BCL9: variants seen among roughly 807,000 people sequenced by gnomAD.
The protein encoded by BCL9 is BCL9 transcription coactivator.
Under a neutral mutation model 88.5 loss-of-function variants are expected in BCL9, and 25 were observed. The ratio of observed to expected loss-of-function variants is 0.28; its 90% confidence interval spans 0.21 to 0.39. The LOEUF is 0.39. Ranked by LOEUF, BCL9 falls within the 10% of genes least tolerant of loss-of-function variation. BCL9 has a pLI of 1.00. For synonymous variants in BCL9, 711 were observed against 673.3 expected (o/e 1.06, Z -0.87); for missense variants, 1,817 against 1,877.8 (o/e 0.97, Z 0.60).
At chr1:147,573,469 G>C (rs1655973445) in intron 1 of BCL9, among the ~76,000 whole-genome samples, 1 of 151,952 alleles carries the variant, frequency 6.6e-6, no homozygotes, top group Admixed American at 6.6e-5. Context: ...AAAAGAATAA[G>C]GTTGAAAGGC....
At chr1:147,567,451 G>A (rs1655659403) in intron 1 of BCL9, among the ~76,000 whole-genome samples, 2 of 152,080 alleles carry the variant, frequency 1.3e-5, no homozygotes, top group African/African-American at 2.4e-5. Flanking sequence ...TATTTGAGTC[G>A]ACATTTCCAC....
chr1:147,599,531 G>T (rs1197121212), intron 1 of BCL9, among the ~76,000 whole-genome samples: 3 of 152,064 alleles, frequency 2.0e-5, no homozygotes, highest in Non-Finnish European at 2.9e-5. Flanking sequence ...GCGAGGCGGC[G>T]GGAAGGTCCG....
chr1:147,622,220 C>A, intron 8 of BCL9, 51 bp from the exon 9 acceptor site: 1 of 1,608,852 alleles, frequency 6.2e-7, no homozygotes, highest in African/African-American at 1.3e-5. Context: ...CAATACCCTT[C>A]AAAAGGAATC....
intron 1 of BCL9, among the ~76,000 whole-genome samples, chr1:147,542,541 G>C (rs189705340): frequency 6.6e-6 from 1 of 152,158 alleles, no homozygotes. Context: ...CATTATTCTT[G>C]ATCATCATCA....
At chr1:147,614,746 A>T (rs1658186821) in intron 6 of BCL9, 130 bp downstream of exon 6, 2 of 1,002,834 alleles carry the variant, frequency 2.0e-6, no homozygotes, top group South Asian at 4.0e-5. Flanking sequence ...AACCTCCCCA[A>T]CCCAAACTCC....
intron 8 of BCL9, among the ~76,000 whole-genome samples, chr1:147,621,531 A>G (rs952909914): frequency 2.0e-5 from 3 of 151,540 alleles, no homozygotes; most frequent in Non-Finnish European, 4.4e-5. Context: ...CTTCTCCTTG[A>G]TAGACCACTG....
rs762060274 is a variant in BCL9 at position 147,612,962 on chromosome 1, A to G, written c.133A>G (p.Lys45Glu). 31 of 1,613,246 alleles carry G rather than the reference A, an allele frequency of 1.9e-5. No homozygotes were observed. The highest frequency in any genetic ancestry group is 2.6e-5 in the Non-Finnish European group (31 of 1,179,698). Residue 45 changes from lysine to glutamate, a missense_variant, in exon 5 of 10, where the codon AAA becomes GAA. Lys to Glu is a moderately conservative substitution (Grantham distance 56). Transcript: ENST00000234739. The stretch of plus-strand genomic sequence containing the variant: ...ATCTGGAAACCCCCAGCTGGATTCC[A>G]AATTCTCCAATCAGGGTAAACAGGG... ...SPSGNPQLDS[K>E]FSNQGKQGGS...
At chr1:147,622,034 G>C (rs1658675118) in intron 8 of BCL9, among the ~76,000 whole-genome samples, 1 of 152,036 alleles carries the variant, frequency 6.6e-6, no homozygotes, top group South Asian at 2.1e-4. Flanking sequence ...CACATTCCTG[G>C]TGTGTTTGTC....
intron 1 of BCL9, among the ~76,000 whole-genome samples, chr1:147,565,492 G>T (rs782519079): frequency 3.3e-5 from 5 of 152,192 alleles, no homozygotes; most frequent in Non-Finnish European, 5.9e-5. Flanking sequence ...TGCTGTTGGT[G>T]AGTGCTCATT....
At chr1:147,571,283 G>T (rs1045157012) in intron 1 of BCL9, among the ~76,000 whole-genome samples, 32 of 152,006 alleles carry the variant, frequency 2.1e-4, no homozygotes, top group Non-Finnish European at 1.9e-4. Flanking sequence ...AGACAATCTG[G>T]TCTCAGATCT....
rs781969214 is a variant in BCL9 at position 147,618,800 on chromosome 1, A to G, written c.661-16A>G. The G allele has an allele frequency of 4.6e-6, 7 of 1,511,798 alleles. No individual in the cohort carries two copies. In the Admixed American group the frequency reaches 6.9e-5, roughly 15 times the overall value. 93.6% of individuals were successfully genotyped at this position (1,511,798 alleles called of 1,614,324 possible). A position where few individuals can be genotyped will look rare whatever the true frequency, so the allele number is the denominator to read the frequency against. On this transcript the variant is annotated splice_polypyrimidine_tract_variant and intron_variant, in intron 7 of 9. Coordinates refer to ENST00000234739, the MANE Select transcript of BCL9 (RefSeq NM_004326.4). ...TCAGTTTACTAATGATTTTTAAACT[A>G]TTTGTTTGTCTTCAGAACACACAGA...
At chr1:147,577,683 A>C (rs587724828) in intron 1 of BCL9, among the ~76,000 whole-genome samples, 1 of 152,168 alleles carries the variant, frequency 6.6e-6, no homozygotes, top group South Asian at 2.1e-4. Flanking sequence ...CCTTAGTGGA[A>C]AGATAATTTT....
At chr1:147,543,102 T>G (rs1175846101) in intron 1 of BCL9, among the ~76,000 whole-genome samples, 5 of 152,186 alleles carry the variant, frequency 3.3e-5, no homozygotes, top group Admixed American at 3.3e-4. Context: ...CTAAAATCAG[T>G]GCCTAACATT....
intron 3 of BCL9, among the ~76,000 whole-genome samples, chr1:147,610,683 A>G (rs1657951815): frequency 2.0e-5 from 3 of 152,234 alleles, no homozygotes; most frequent in Admixed American, 2.0e-4. Context: ...GAAAACCATA[A>G]TGGAATTACC....
intron 1 of BCL9, among the ~76,000 whole-genome samples, chr1:147,569,421 G>A (rs1443421365): frequency 3.4e-5 from 5 of 147,580 alleles, no homozygotes; most frequent in African/African-American, 2.5e-5. Flanking sequence ...CTGAGCTCAG[G>A]AGTTCAAGAC....
intron 1 of BCL9, among the ~76,000 whole-genome samples, chr1:147,568,851 G>A (rs1655734499): frequency 6.6e-6 from 1 of 152,102 alleles, no homozygotes; most frequent in Non-Finnish European, 1.5e-5. Context: ...GTTTATGTCT[G>A]TCTTGTTTCT....
At chr1:147,590,089 T>C (rs1007813848) in intron 1 of BCL9, among the ~76,000 whole-genome samples, 1 of 152,186 alleles carries the variant, frequency 6.6e-6, no homozygotes, top group Non-Finnish European at 1.5e-5. Flanking sequence ...TTTATTTTTA[T>C]AGAAACGAGG....
chr1:147,619,144 C>G lies in BCL9; in HGVS notation c.989C>G (p.Ala330Gly). The change falls in exon 8 of 10, where the codon GCC becomes GGC. Residue 330 changes from alanine (A) to glycine (G), a missense_variant. Physicochemically the swap from Ala to Gly is moderately conservative, Grantham distance 60. This residue lies in a region of BCL9 where 1,228 missense variants were observed against 1,191.6 expected (regional missense o/e 1.03). Coordinates refer to ENST00000234739, the MANE Select transcript of BCL9 (RefSeq NM_004326.4). This position sits in a 1 kb window ranked among gnomAD's most constrained non-coding sequence, Gnocchi z 4.1. Reference protein sequence around the residue: ...GSNSSSADPKAPPPPPVSSGE... With the variant: ...GSNSSSADPKGPPPPPVSSGE... Reference sequence around the variant, plus strand: ...AATAGCTCTTCAGCAGATCCCAAAGCCCCTCCGCCTCCACCAGTGTCCAGT... The same window carrying G: ...AATAGCTCTTCAGCAGATCCCAAAGGCCCTCCGCCTCCACCAGTGTCCAGT... 6.2e-7 allele frequency: 1 copy of G among 1,613,232 alleles called. No individual in the cohort carries two copies. The highest frequency in any genetic ancestry group is 1.1e-5 in the South Asian group (1 of 90,974).
At chr1:147,614,295 A>T (rs1658154142) in intron 5 of BCL9, 132 bp from the exon 6 acceptor site, 1 of 808,686 alleles carries the variant, frequency 1.2e-6, no homozygotes, top group Admixed American at 2.8e-5. Flanking sequence ...TTTTATAAGT[A>T]GAAGAGGTTT....
Sources: allele counts gnomAD v4.1 joint callset (sites outside exome capture counted in the v4.1 genomes callset), GRCh38; gene constraint gnomAD v4.1.1; regional missense constraint gnomAD v4.1.1; non-coding constraint Gnocchi (gnomAD v3.1); transcripts MANE v1.5; gene names NCBI Gene and HGNC (gene_info 2026-07-23, HGNC 2026-07-21).